SHANK2: variants seen among roughly 807,000 people sequenced by gnomAD.
The protein encoded by SHANK2 is SH3 and multiple ankyrin repeat domains protein 2.
SHANK2 carries 43 observed loss-of-function variants against 133.7 expected under a neutral mutation model. The observed-to-expected ratio is 0.32, with a 90% CI of 0.25 to 0.41. The LOEUF is 0.41. Among genes scored for constraint, SHANK2 ranks in the 10% least tolerant of loss-of-function variants. The probability of loss-of-function intolerance (pLI) is 1.00; values close to 1 mark genes in which losing one functional copy is unlikely to be tolerated. For missense variants in SHANK2, 1,994 were observed against 2,235.8 expected, an observed-to-expected ratio of 0.89 and a Z score of 2.18; for synonymous variants, 1,017 against 952.8, an observed-to-expected ratio of 1.07 and a Z score of -1.24.
At chr11:71,075,500 G>A (rs1352159194) in intron 8 of SHANK2, among the ~76,000 whole-genome samples, 1 of 152,202 alleles carries the variant, frequency 6.6e-6, no homozygotes, top group Non-Finnish European at 1.5e-5. Flanking sequence ...CTTCATGGTG[G>A]GATTGGGGAC....
At chr11:71,148,920 T>G (rs574459993) in intron 2 of SHANK2, among the ~76,000 whole-genome samples, 6 of 152,176 alleles carry the variant, frequency 3.9e-5, no homozygotes, top group African/African-American at 1.2e-4. Context: ...AGCAGTCAAC[T>G]GGAAAGGCAC....
intron 9 of SHANK2, among the ~76,000 whole-genome samples, chr11:71,065,232 G>A (rs1951033482): frequency 6.6e-6 from 1 of 152,136 alleles, no homozygotes; most frequent in East Asian, 1.9e-4. Flanking sequence ...GCAGTGAGTG[G>A]GGAAGTTAGG....
chr11:70,543,662 C>A (rs541347391), intron 17 of SHANK2, among the ~76,000 whole-genome samples: 1 of 152,214 alleles, frequency 6.6e-6, no homozygotes, highest in African/African-American at 2.4e-5. Flanking sequence ...AACCGGCAAA[C>A]GTATTTCCCT....
intron 10 of SHANK2, among the ~76,000 whole-genome samples, chr11:70,925,072 A>T (rs573851862): frequency 6.6e-6 from 1 of 151,700 alleles, no homozygotes; most frequent in East Asian, 1.9e-4. Flanking sequence ...GCCAGATACA[A>T]CTCTCCATGG....
chr11:70,893,330 C>A (rs1235422527), intron 11 of SHANK2, among the ~76,000 whole-genome samples: 1 of 152,244 alleles, frequency 6.6e-6, no homozygotes, highest in African/African-American at 2.4e-5. Context: ...AGACCCTCCC[C>A]ACCACATACC....
At chr11:70,751,064 C>T (rs1169610415) in intron 14 of SHANK2, among the ~76,000 whole-genome samples, 3 of 152,024 alleles carry the variant, frequency 2.0e-5, no homozygotes, top group Non-Finnish European at 4.4e-5. Context: ...CTAGATGTGT[C>T]AAAAGCAGAA....
chr11:71,231,373 T>A (rs539776055), intron 1 of SHANK2, among the ~76,000 whole-genome samples: 17 of 152,184 alleles, frequency 1.1e-4, no homozygotes, highest in Admixed American at 1.0e-3. Flanking sequence ...CATACACCTA[T>A]CAAAACAGCT....
intron 14 of SHANK2, among the ~76,000 whole-genome samples, chr11:70,719,230 C>A (rs1555028326): frequency 6.6e-6 from 1 of 152,178 alleles, no homozygotes; most frequent in Non-Finnish European, 1.5e-5. Flanking sequence ...TGTGACGGTT[C>A]AAATAGACAC....
At chr11:70,919,250 A>G (rs1264461912) in intron 10 of SHANK2, among the ~76,000 whole-genome samples, 1 of 152,178 alleles carries the variant, frequency 6.6e-6, no homozygotes, top group East Asian at 1.9e-4. Context: ...ACACCGCCTC[A>G]CATGCTGACC....
At chr11:71,109,903 C>T (rs781616928) in intron 6 of SHANK2, 38 bp downstream of exon 6, 53 of 1,323,454 alleles carry the variant, frequency 4.0e-5, no homozygotes, top group Non-Finnish European at 5.3e-5. Flanking sequence ...TCTACGCTTC[C>T]GTAAAGCCTG....
At chr11:70,823,050 G>A (rs1265858169) in intron 11 of SHANK2, among the ~76,000 whole-genome samples, 2 of 100,732 alleles carry the variant, frequency 2.0e-5, no homozygotes, top group Admixed American at 2.2e-4. Context: ...CAGAGCCCAC[G>A]GGGGACAGAG....
In SHANK2 at chr11:70,469,732, T is replaced by C. The variant is rs2058574972; in HGVS notation, c.*3137A>G. 1 of 152,630 alleles carries C rather than the reference T, an allele frequency of 6.6e-6. No homozygotes were observed. Among genetic ancestry groups the C allele is most frequent in the Admixed American group, 6.5e-5 (1 of 15,290 alleles). The allele number at this position is 152,630 out of a possible 1,614,324, so 9.5% of individuals were successfully genotyped here. On this transcript the variant is annotated 3_prime_UTR_variant, in exon 26 of 26. Coordinates refer to ENST00000601538, the MANE Select transcript of SHANK2 (RefSeq NM_012309.5). ...AACTGGATAATGCTTGCTTGTTCAA[T>C]AACTGAGAAAAAAATTTACCATTTT...
Position 71,245,936 on chromosome 11 carries a change from G to A in SHANK2, c.-113+6489C>T, listed in dbSNP as rs138634846. Among the ~76,000 whole-genome samples the A allele has an allele frequency of 9.8e-4, 149 of 152,308 alleles. 1 individual carries two copies. The highest frequency in any genetic ancestry group is 3.3e-3 in the African/African-American group (137 of 41,564). ...GCCTCTAGTTTGCAGGCCCCTGTACGGGAAGAGGGGAGTGGAGCAGATTCT... is the reference window on the plus strand; with the variant it reads ...GCCTCTAGTTTGCAGGCCCCTGTACAGGAAGAGGGGAGTGGAGCAGATTCT... On this transcript the variant is annotated intron_variant, in intron 1 of 25. Transcript: ENST00000601538.
Position 70,944,537 on chromosome 11 carries a change from A to G in SHANK2, c.1108-47970T>C, listed in dbSNP as rs189741561. 9.8e-5 allele frequency among the ~76,000 whole-genome samples: 15 copies of G among 152,348 alleles called. No individual in the cohort carries two copies. The East Asian group carries it at 2.9e-3, about 29-fold the overall frequency. ...AACACTGGTTTGAAAGGATTTTCCC[A>G]CTGCGCTTCCCATATGGCTGCTGAG... On this transcript the variant is annotated intron_variant, in intron 10 of 25. Transcript: ENST00000601538.
intron 14 of SHANK2, among the ~76,000 whole-genome samples, chr11:70,741,446 C>A (rs1474738534): frequency 2.0e-5 from 3 of 152,178 alleles, no homozygotes; most frequent in African/African-American, 7.2e-5. Flanking sequence ...ACCTTCAGAC[C>A]CACTTAGCTT....
At chr11:71,058,355 A>ATGT (rs1307077360) in intron 9 of SHANK2, among the ~76,000 whole-genome samples, 13 of 152,226 alleles carry the variant, frequency 8.5e-5, no homozygotes, top group Admixed American at 8.5e-4. Context: ...CAGTGGTAGA[A>ATGT]TGTTGACGTA....
intron 14 of SHANK2, among the ~76,000 whole-genome samples, chr11:70,708,582 G>A (rs1165612742): frequency 2.6e-5 from 4 of 152,168 alleles, no homozygotes; most frequent in African/African-American, 9.7e-5. Flanking sequence ...TGTCTCCTGT[G>A]TCCATGACAA....
intron 14 of SHANK2, among the ~76,000 whole-genome samples, chr11:70,752,632 G>C (rs1002145360): frequency 1.3e-5 from 2 of 151,020 alleles, no homozygotes; most frequent in African/African-American, 4.9e-5. Flanking sequence ...CGTGAACCCG[G>C]GAGGCGGAGC....
In SHANK2 at chr11:70,487,734, A is replaced by G. The variant is rs545662045; in HGVS notation, c.2573-14T>C. 1.3e-6 allele frequency: 2 copies of G among 1,552,198 alleles called. No individual in the cohort carries two copies. Among genetic ancestry groups the G allele is most frequent in the South Asian group, 2.4e-5 (2 of 84,154 alleles). ...CCTCTGTTATTCCTACAAGCAGAAA[A>G]CAGGTTTAGCTTTAAGTCACAATAG... On this transcript the variant is annotated splice_polypyrimidine_tract_variant and intron_variant, in intron 24 of 25. Transcript: ENST00000601538. This position sits in a 1 kb window ranked among gnomAD's most constrained non-coding sequence, Gnocchi z 5.8.
Sources: gnomAD v4.1 joint callset for allele counts (sites outside exome capture counted in the v4.1 genomes callset) on GRCh38, gnomAD v4.1.1 for gene constraint, Gnocchi (gnomAD v3.1) non-coding constraint, MANE v1.5 for transcripts, NCBI Gene and HGNC (gene_info 2026-07-23, HGNC 2026-07-21) for gene names.